The following ARHGAP6 variants were observed in gnomAD, a reference collection of about 807,000 sequenced individuals.
The protein encoded by ARHGAP6 is Rho GTPase activating protein 6.
ARHGAP6 carries 16 observed loss-of-function variants against 55.7 expected under a neutral mutation model. The ratio of observed to expected loss-of-function variants is 0.29; its 90% CI spans 0.19 to 0.44. The LOEUF (loss-of-function observed/expected upper bound fraction) is 0.44, where lower values mean the gene tolerates loss of function less well. Among genes scored for constraint, ARHGAP6 ranks in the 20% least tolerant of loss-of-function variants. The probability of loss-of-function intolerance (pLI) is 1.00; values close to 1 mark genes in which losing one functional copy is unlikely to be tolerated. For synonymous variants in ARHGAP6, 382 were observed against 360.9 expected, an observed-to-expected ratio of 1.06 and a Z score of -0.66; for missense variants, 698 against 808.9, an observed-to-expected ratio of 0.86 and a Z score of 1.66.
Position 11,144,161 on chromosome X carries a change from G to C in ARHGAP6, c.1995C>G (p.Asp665Glu), listed in dbSNP as rs923359249. 8.3e-7 allele frequency: 1 copy of C among 1,211,986 alleles called. No individual in the cohort carries two copies. Among genetic ancestry groups the C allele is most frequent in the East Asian group, 3.0e-5 (1 of 33,833 alleles). ...STDSNKASSGDISPYDNNSPV... is the reference protein window; with the variant it reads ...STDSNKASSGEISPYDNNSPV... The stretch of plus-strand genomic sequence containing the variant: ...GGGAGTTGTTGTCATAAGGGGAGAT[G>C]TCTCCGCTGGAGGCCTTGTTGGAGT... The change falls in exon 11 of 13, where the codon GAC becomes GAG. Residue 665 changes from aspartate to glutamate, a missense_variant. This residue lies in a region of ARHGAP6 where 322 missense variants were observed against 451.1 expected (regional missense o/e 0.71). Transcript: ENST00000337414.
chrX:11,182,523 A>G (rs1416315905), intron 5 of ARHGAP6, among the ~76,000 whole-genome samples: 1 of 111,595 alleles, frequency 9.0e-6, no homozygotes, highest in Non-Finnish European at 1.9e-5. Context: ...CTTAAAGAAA[A>G]TCTAGAAAAT....
chrX:11,661,301 G>A (rs913830302), intron 1 of ARHGAP6, among the ~76,000 whole-genome samples: 1 of 112,430 alleles, frequency 8.9e-6, no homozygotes, highest in African/African-American at 3.2e-5. Context: ...TTTACCCTTT[G>A]TCTCCTCCAT....
intron 1 of ARHGAP6, among the ~76,000 whole-genome samples, chrX:11,662,462 T>A (rs977646038): frequency 1.8e-5 from 2 of 112,140 alleles, no homozygotes; most frequent in African/African-American, 6.5e-5. Context: ...GGCTTTTTGC[T>A]AGATGGCTAC....
intron 1 of ARHGAP6, among the ~76,000 whole-genome samples, chrX:11,552,555 CATATATATATATAT>C (rs59008705): frequency 0.015 from 182 of 12,542 alleles, 6 homozygotes; most frequent in Middle Eastern, 0.083. Context: ...GAAAATGTGC[CATATATATATATAT>C]ATATATATAT....
At chrX:11,309,444 G>A (rs1368056981) in intron 1 of ARHGAP6, among the ~76,000 whole-genome samples, 1 of 110,909 alleles carries the variant, frequency 9.0e-6, no homozygotes. Context: ...CTCGGAGGGA[G>A]AGAGCCTTGG....
chrX:11,404,196 C>T, intron 1 of ARHGAP6, among the ~76,000 whole-genome samples: 1 of 111,552 alleles, frequency 9.0e-6, no homozygotes, highest in South Asian at 3.8e-4. Context: ...CTCTTTGCAT[C>T]TCCCATTGCT....
chrX:11,296,938 T>G lies in ARHGAP6; in HGVS notation c.589-42231A>C, dbSNP rs2048095314. 4.0e-6 allele frequency: 4 copies of G among 1,007,859 alleles called. No homozygotes were observed. In the Admixed American group the frequency reaches 8.9e-5, roughly 22 times the overall value. The allele number at this position is 1,007,859 out of a possible 1,213,427, so 83.1% of individuals were successfully genotyped here. A position where few individuals can be genotyped will look rare whatever the true frequency, so the allele number is the denominator to read the frequency against. The stretch of plus-strand genomic sequence containing the variant: ...CCAGATGTTTCTCAAGTGGTCCTGA[T>G]TTTACAGTTCCTACCACCAGCTTCC... On this transcript the variant is annotated intron_variant, in intron 1 of 12. Transcript: ENST00000337414.
chrX:11,466,810 G>T (rs1048462241), intron 1 of ARHGAP6, among the ~76,000 whole-genome samples: 2 of 111,668 alleles, frequency 1.8e-5, no homozygotes, highest in Admixed American at 9.5e-5. Flanking sequence ...AAACACAAGG[G>T]GCATTTTTAA....
chrX:11,387,557 A>C (rs975165798), intron 1 of ARHGAP6, among the ~76,000 whole-genome samples: 1 of 111,317 alleles, frequency 9.0e-6, no homozygotes, highest in East Asian at 2.8e-4. Context: ...GAAAGGAAGA[A>C]ATTTTTTTAT....
chrX:11,466,941 A>T (rs901392095), intron 1 of ARHGAP6, among the ~76,000 whole-genome samples: 1 of 112,751 alleles, frequency 8.9e-6, no homozygotes, highest in Non-Finnish European at 1.9e-5. Context: ...AATATGCATG[A>T]GTGGACAAAA....
rs137917074 is a variant in ARHGAP6, at chrX:11,326,637, G to C, written c.589-71930C>G. On this transcript the variant is annotated intron_variant, in intron 1 of 12. Transcript: ENST00000337414. Reference sequence around the variant, plus strand: ...AAATCAATATAACTAAAGCTTGAATGAATCTGAGTAACTCTTTTTCCCTCG... The same window carrying C: ...AAATCAATATAACTAAAGCTTGAATCAATCTGAGTAACTCTTTTTCCCTCG... Among the ~76,000 whole-genome samples the C allele has an allele frequency of 1.6e-3, 174 of 111,888 alleles. 2 individuals carry two copies. Among genetic ancestry groups the C allele is most frequent in the East Asian group, 1.4e-3 (5 of 3,587 alleles).
chrX:11,427,468 C>A (rs1204696207), intron 1 of ARHGAP6: 3 of 907,303 alleles, frequency 3.3e-6, no homozygotes, highest in Non-Finnish European at 4.1e-6. Context: ...GGAGCCCCGA[C>A]TACCATCGCC....
chrX:11,139,376 G>C lies in ARHGAP6; in HGVS notation c.2412C>G (p.Ala804=). 8.5e-7 allele frequency: 1 copy of C among 1,181,755 alleles called. No homozygotes were observed. The highest frequency in any genetic ancestry group is 1.1e-6 in the Non-Finnish European group (1 of 882,080). The change falls in exon 13 of 13, where the codon GCC becomes GCG. Residue 804 remains alanine (A), a synonymous_variant. Coordinates refer to ENST00000337414, the MANE Select transcript of ARHGAP6 (RefSeq NM_013427.3). ...TQGARRTQAA[A]PATEGRAHPA... is the part of the protein sequence containing the mutation. ...GGTGGGCCCTGCCCTCCGTCGCGGGGGCTGCGGCCTGAGTCCTCCGAGCCC... is the reference window on the plus strand; with the variant it reads ...GGTGGGCCCTGCCCTCCGTCGCGGGCGCTGCGGCCTGAGTCCTCCGAGCCC...
chrX:11,238,935 A>T (rs2047239019), intron 2 of ARHGAP6, among the ~76,000 whole-genome samples: 1 of 112,010 alleles, frequency 8.9e-6, no homozygotes, highest in East Asian at 2.8e-4. Flanking sequence ...TTGTTATTTG[A>T]AAAATAAAAA....
At chrX:11,151,376 T>TGCCTCATCCTCCC (rs1285806310) in intron 10 of ARHGAP6, among the ~76,000 whole-genome samples, 4 of 109,959 alleles carry the variant, frequency 3.6e-5, no homozygotes, top group Non-Finnish European at 5.7e-5. Context: ...GTGATCCTCC[T>TGCCTCATCCTCCC]GCCTCATCCT....
intron 1 of ARHGAP6, among the ~76,000 whole-genome samples, chrX:11,411,183 T>TA (rs2049676180): frequency 1.6e-4 from 5 of 31,775 alleles, no homozygotes; most frequent in Non-Finnish European, 2.3e-4. Context: ...CAGACATTAT[T>TA]TATATATATA....
At chrX:11,355,982 C>T (rs1313411565) in intron 1 of ARHGAP6, among the ~76,000 whole-genome samples, 1 of 111,664 alleles carries the variant, frequency 9.0e-6, no homozygotes, top group Non-Finnish European at 1.9e-5. Flanking sequence ...ACAACTGAGT[C>T]AAAGATAGCT....
At chrX:11,414,922 T>C (rs1362748588) in intron 1 of ARHGAP6, among the ~76,000 whole-genome samples, 2 of 111,438 alleles carry the variant, frequency 1.8e-5, no homozygotes, top group Non-Finnish European at 3.8e-5. Context: ...AAATTTTAGT[T>C]AGGCAGGAGG....
chrX:11,275,731 A>G (rs1199771084), intron 1 of ARHGAP6, among the ~76,000 whole-genome samples: 1 of 111,549 alleles, frequency 9.0e-6, no homozygotes, highest in African/African-American at 3.3e-5. Flanking sequence ...GGGCTTCACC[A>G]AGCCTCACTT....
Sources: allele counts gnomAD v4.1 joint callset (sites outside exome capture counted in the v4.1 genomes callset), GRCh38; gene constraint gnomAD v4.1.1; regional missense constraint gnomAD v4.1.1; transcripts MANE v1.5; gene names NCBI Gene and HGNC (gene_info 2026-07-23, HGNC 2026-07-21).